NT5M: variants seen among roughly 807,000 people sequenced by gnomAD.
NT5M encodes the protein 5',3'-nucleotidase, mitochondrial.
Under a neutral mutation model 22.2 loss-of-function variants are expected in NT5M, and 22 were observed. The observed-to-expected ratio is 0.99, with a 90% CI of 0.71 to 1.41. The LOEUF (loss-of-function observed/expected upper bound fraction) is 1.41. Among genes scored for constraint, NT5M ranks in the 40% most tolerant of loss-of-function variants. NT5M has a pLI of 0.00. For missense variants in NT5M, 322 were observed against 314.8 expected (o/e 1.02, Z -0.17); for synonymous variants, 167 against 133.0 (o/e 1.26, Z -1.76).
At chr17:17,340,047 AAG>A (rs1448328516) in intron 3 of NT5M, among the ~76,000 whole-genome samples, 2 of 152,146 alleles carry the variant, frequency 1.3e-5, no homozygotes, top group Admixed American at 6.5e-5. Context: ...TGAATAGTTT[AAG>A]TAGGATTGGT....
chr17:17,308,981 T>A (rs2048868078), intron 2 of NT5M, among the ~76,000 whole-genome samples: 1 of 152,238 alleles, frequency 6.6e-6, no homozygotes, highest in Admixed American at 6.5e-5. Context: ...TGTATGGATC[T>A]AATGTATGGA....
intron 3 of NT5M, among the ~76,000 whole-genome samples, chr17:17,325,538 C>G: frequency 6.6e-6 from 1 of 152,210 alleles, no homozygotes; most frequent in East Asian, 1.9e-4. Context: ...TTGCCAGCAT[C>G]TTGGCATTTA....
chr17:17,308,117 C>G (rs1002745641), intron 2 of NT5M, among the ~76,000 whole-genome samples: 1 of 152,062 alleles, frequency 6.6e-6, no homozygotes, highest in Non-Finnish European at 1.5e-5. Flanking sequence ...AGAGGTTCAG[C>G]GGGAAACTTC....
intron 4 of NT5M, 81 bp downstream of exon 4, chr17:17,344,989 T>G (rs2142388939): frequency 1.3e-6 from 2 of 1,577,466 alleles, no homozygotes; most frequent in East Asian, 4.5e-5. Flanking sequence ...GAGCACTCAG[T>G]TGCTTCCTGC....
chr17:17,344,883 C>T lies in NT5M; in HGVS notation c.519C>T (p.Leu173=), dbSNP rs1316891240. ...AGACCGTGGTCTCTGCTGACCTTCT[C>T]ATAGACGACCGGCCGGACATCACAG... ...RDKTVVSADL[L]IDDRPDITGA... The change falls in exon 4 of 5, where the codon CTC becomes CTT. Residue 173 remains leucine (L), a synonymous_variant. Coordinates refer to ENST00000389022, the MANE Select transcript of NT5M (RefSeq NM_020201.4). The T allele has an allele frequency of 7.4e-6, 12 of 1,614,230 alleles. No homozygotes were observed. Among genetic ancestry groups the T allele is most frequent in the Non-Finnish European group, 1.0e-5 (12 of 1,180,024 alleles).
At chr17:17,315,760 T>G (rs891708503) in intron 2 of NT5M, among the ~76,000 whole-genome samples, 6 of 138,308 alleles carry the variant, frequency 4.3e-5, no homozygotes, top group Middle Eastern at 3.5e-3. Flanking sequence ...TTGTTTTTTT[T>G]TTTTTTTTTT....
At chr17:17,340,772 G>T (rs544330233) in intron 3 of NT5M, among the ~76,000 whole-genome samples, 2 of 152,122 alleles carry the variant, frequency 1.3e-5, no homozygotes, top group South Asian at 4.1e-4. Flanking sequence ...TGATCTGCCC[G>T]CCTTGGCCTC....
At chr17:17,324,969 A>T (rs2049234620) in intron 3 of NT5M, among the ~76,000 whole-genome samples, 1 of 152,184 alleles carries the variant, frequency 6.6e-6, no homozygotes, top group Non-Finnish European at 1.5e-5. Flanking sequence ...TTTCAGGTCG[A>T]GCAGTGATCC....
At chr17:17,314,777 C>T (rs2048989712) in intron 2 of NT5M, among the ~76,000 whole-genome samples, 1 of 152,198 alleles carries the variant, frequency 6.6e-6, no homozygotes, top group Non-Finnish European at 1.5e-5. Flanking sequence ...CTTGTTGCAT[C>T]TTCCTGGAAT....
rs369361835 is a variant in NT5M, at chr17:17,318,411, C to T, written c.369-4774C>T. Among the ~76,000 whole-genome samples, 109 of 137,324 alleles carry T rather than the reference C, an allele frequency of 7.9e-4. 1 individual carries two copies. The South Asian group carries it at 0.023, about 29-fold the overall frequency. 90.1% of individuals were successfully genotyped at this position (137,324 alleles called of 152,430 possible). The stretch of plus-strand genomic sequence containing the variant: ...AGGAGAATCACTTGAACTGGGGAAA[C>T]GGGAGGTTGCAGTGAGTCTAGATCG... On this transcript the variant is annotated intron_variant, in intron 2 of 4. Coordinates refer to ENST00000389022, the MANE Select transcript of NT5M (RefSeq NM_020201.4).
chr17:17,334,246 C>T (rs980783022), intron 3 of NT5M, among the ~76,000 whole-genome samples: 2 of 151,740 alleles, frequency 1.3e-5, no homozygotes, highest in Non-Finnish European at 2.9e-5. Context: ...GGATTACAAG[C>T]GTGAGCCACC....
At chr17:17,314,444 A>G (rs2048982069) in intron 2 of NT5M, among the ~76,000 whole-genome samples, 1 of 152,212 alleles carries the variant, frequency 6.6e-6, no homozygotes, top group Non-Finnish European at 1.5e-5. Flanking sequence ...GCTCTAGTTA[A>G]GAATTTGGTG....
At chr17:17,343,453 C>G (rs1277456224) in intron 3 of NT5M, among the ~76,000 whole-genome samples, 1 of 152,194 alleles carries the variant, frequency 6.6e-6, no homozygotes, top group African/African-American at 2.4e-5. Context: ...CTCTGCAGAT[C>G]CGGCCCTTTT....
Position 17,310,014 on chromosome 17 carries a change from CG to C in NT5M, c.368+3375del, listed in dbSNP as rs2048891643. Among the ~76,000 whole-genome samples, 11 of 151,876 alleles carry C rather than the reference CG, an allele frequency of 7.2e-5. No individual in the cohort carries two copies. In the South Asian group the frequency reaches 2.3e-3, roughly 32 times the overall value. Reference sequence around the variant, plus strand: ...TAATTTTTTGTATTTTTAGTAGAGACGGGGCTTCACCATGTTAGCCAGGATG... The same window carrying C: ...TAATTTTTTGTATTTTTAGTAGAGACGGGCTTCACCATGTTAGCCAGGATG... On this transcript the variant is annotated intron_variant, in intron 2 of 4. Transcript: ENST00000389022.
chr17:17,330,297 CAA>C (rs549526002), intron 3 of NT5M, among the ~76,000 whole-genome samples: 1 of 68,908 alleles, frequency 1.5e-5, no homozygotes. Context: ...GACTCCGTCT[CAA>C]AAAAAAAAAA....
At chr17:17,328,573 A>G (rs1473878360) in intron 3 of NT5M, among the ~76,000 whole-genome samples, 1 of 152,168 alleles carries the variant, frequency 6.6e-6, no homozygotes, top group Non-Finnish European at 1.5e-5. Flanking sequence ...CTCGGGGCAC[A>G]TCTGCACAGG....
At chr17:17,306,511 C>G (rs1482764599) in intron 1 of NT5M, 32 bp from the exon 2 acceptor site, 1 of 1,520,926 alleles carries the variant, frequency 6.6e-7, no homozygotes, top group Admixed American at 1.7e-5. Context: ...GCTGAGGACC[C>G]TGGAAGTAAC....
chr17:17,321,241 G>A (rs999458970), intron 2 of NT5M, among the ~76,000 whole-genome samples: 13 of 151,908 alleles, frequency 8.6e-5, no homozygotes, highest in Non-Finnish European at 1.8e-4. Flanking sequence ...GCCAGCATGC[G>A]TTTGAATGAG....
chr17:17,334,131 T>C (rs797020150), intron 3 of NT5M, among the ~76,000 whole-genome samples: 4 of 151,802 alleles, frequency 2.6e-5, no homozygotes, highest in African/African-American at 9.7e-5. Context: ...CCGTGCCTGG[T>C]ATGTTTTTGT....
Sources: gnomAD v4.1 joint callset for allele counts (sites outside exome capture counted in the v4.1 genomes callset) on GRCh38, gnomAD v4.1.1 for gene constraint, MANE v1.5 for transcripts, NCBI Gene and HGNC (gene_info 2026-07-23, HGNC 2026-07-21) for gene names.